HMCN1: variants seen among roughly 807,000 people sequenced by gnomAD.
HMCN1 encodes the protein hemicentin 1.
In HMCN1, 321 loss-of-function variants were observed where a neutral mutation model predicts 625.9. The observed-to-expected ratio is 0.51, with a 90% CI of 0.47 to 0.56. The LOEUF (loss-of-function observed/expected upper bound fraction) is 0.56, where lower values mean the gene tolerates loss of function less well. Ranked by LOEUF, HMCN1 falls within the 20% of genes least tolerant of loss-of-function variation. The pLI, the probability that HMCN1 is intolerant of heterozygous loss-of-function variation, is 0.00. For synonymous variants in HMCN1, 2,425 were observed against 2,417.6 expected (o/e 1.00, Z -0.09); for missense variants, 6,588 against 6,887.3 (o/e 0.96, Z 1.54).
At chr1:186,173,509 C>A (rs546484204) in intron 102 of HMCN1, among the ~76,000 whole-genome samples, 1 of 151,568 alleles carries the variant, frequency 6.6e-6, no homozygotes, top group Non-Finnish European at 1.5e-5. Context: ...GGCATGGTGG[C>A]GCATGCCTAT....
At position 185,963,813 on chromosome 1, in the gene HMCN1, T is replaced by A; in HGVS notation, c.2016T>A (p.Ala672=). 6.2e-7 allele frequency: 1 copy of A among 1,608,648 alleles called. No individual in the cohort carries two copies. Among genetic ancestry groups the A allele is most frequent in the Non-Finnish European group, 8.5e-7 (1 of 1,175,294 alleles). Residue 672 remains alanine, a synonymous_variant, in exon 13 of 107, where the codon GCT becomes GCA. Transcript: ENST00000271588. The part of the protein sequence containing the change: ...SDGTLFIKNA[A]PKDAGIYGCL... Reference sequence around the variant, plus strand: ...GTACCTTATTTATCAAAAATGCAGCTCCCAAAGATGCAGGGATCTATGGTT... The same window carrying A: ...GTACCTTATTTATCAAAAATGCAGCACCCAAAGATGCAGGGATCTATGGTT...
rs1656530761 is a variant in HMCN1, at chr1:186,045,868, G to T, written c.6480+5G>T. 2 of 1,596,260 alleles carry T rather than the reference G, an allele frequency of 1.3e-6. No homozygotes were observed. The highest frequency in any genetic ancestry group is 2.7e-5 in the African/African-American group (2 of 74,474). On this transcript the variant is annotated splice_donor_5th_base_variant and intron_variant, in intron 41 of 106. Coordinates refer to ENST00000271588, the MANE Select transcript of HMCN1 (RefSeq NM_031935.3). ...GAAAATAGAAGTGTGTTAAAGGTAAGGATATGGATTCATTTATTTTACCTT... is the reference window on the plus strand; with the variant it reads ...GAAAATAGAAGTGTGTTAAAGGTAATGATATGGATTCATTTATTTTACCTT...
At chr1:186,151,092 TGTTTGAGAAAAG>T in intron 93 of HMCN1, 96 bp from the exon 94 acceptor site, 1 of 1,056,752 alleles carries the variant, frequency 9.5e-7, no homozygotes, top group Non-Finnish European at 1.4e-6. Context: ...ACCTTTTTGA[TGTTTGAGAAAAG>T]ATTTGTAGCA....
chr1:185,865,135 A>G (rs1558024677), intron 3 of HMCN1, among the ~76,000 whole-genome samples: 1 of 152,204 alleles, frequency 6.6e-6, no homozygotes, highest in Non-Finnish European at 1.5e-5. Flanking sequence ...TTGCTTATCT[A>G]AGCTTGACTG....
In HMCN1 at chr1:185,737,552, T is replaced by C. The variant is rs547870076; in HGVS notation, c.268+2505T>C. On this transcript the variant is annotated intron_variant, in intron 1 of 106. Coordinates refer to ENST00000271588, the MANE Select transcript of HMCN1 (RefSeq NM_031935.3). ...CCTCAACTATATAAATTGAGAGAAT[T>C]CTATGTGAATATCTCTTAAGGTCTC... Among the ~76,000 whole-genome samples, 4 of 152,340 alleles carry C rather than the reference T, an allele frequency of 2.6e-5. No individual in the cohort carries two copies. In the East Asian group the frequency reaches 5.8e-4, roughly 22 times the overall value.
chr1:185,851,934 A>C (rs1281100421), intron 2 of HMCN1, among the ~76,000 whole-genome samples: 1 of 152,048 alleles, frequency 6.6e-6, no homozygotes, highest in African/African-American at 2.4e-5. Flanking sequence ...CATATAATTT[A>C]AGTTTCCTTA....
At chr1:186,114,677 C>T in intron 73 of HMCN1, 142 bp from the exon 74 acceptor site, 3 of 940,658 alleles carry the variant, frequency 3.2e-6, no homozygotes, top group Non-Finnish European at 5.1e-6. Context: ...TTTCTTCCAC[C>T]AAGGGTATCA....
At chr1:185,895,385 T>TG (rs1482219212) in intron 4 of HMCN1, among the ~76,000 whole-genome samples, 2 of 152,212 alleles carry the variant, frequency 1.3e-5, no homozygotes, top group African/African-American at 2.4e-5. Flanking sequence ...ACTGTAGTCA[T>TG]TTTTCTTGGC....
intron 30 of HMCN1, among the ~76,000 whole-genome samples, chr1:186,010,496 T>C (rs901595908): frequency 1.3e-5 from 2 of 152,204 alleles, no homozygotes; most frequent in East Asian, 3.8e-4. Flanking sequence ...CTGATACAAA[T>C]GGTATCCTTT....
intron 28 of HMCN1, among the ~76,000 whole-genome samples, chr1:186,003,354 G>A (rs866801849): frequency 6.6e-6 from 1 of 152,132 alleles, no homozygotes; most frequent in African/African-American, 2.4e-5. Flanking sequence ...TGTTATAAGA[G>A]TGATGTTAAT....
Position 186,115,539 on chromosome 1 carries a change from T to C in HMCN1, c.11561+125T>C, listed in dbSNP as rs989154418. On this transcript the variant is annotated intron_variant, in intron 75 of 106. Coordinates refer to ENST00000271588, the MANE Select transcript of HMCN1 (RefSeq NM_031935.3). ...ACAAATTAGCTAGCATATAGAGGGT[T>C]TTTTTCCTTAATATGGACTTAGTTT... 1.1e-5 allele frequency: 10 copies of C among 901,074 alleles called. No homozygotes were observed. In the African/African-American group the frequency reaches 1.3e-4, roughly 12 times the overall value. 55.8% of individuals were successfully genotyped at this position (901,074 alleles called of 1,614,324 possible). A position where few individuals can be genotyped will look rare whatever the true frequency, so the allele number is the denominator to read the frequency against.
chr1:185,794,208 A>C (rs1658200619), intron 1 of HMCN1, among the ~76,000 whole-genome samples: 2 of 152,146 alleles, frequency 1.3e-5, no homozygotes, highest in Admixed American at 1.3e-4. Flanking sequence ...TGAAAATAGC[A>C]AGAACATCCT....
chr1:185,996,040 T>A (rs1170974681), intron 24 of HMCN1, among the ~76,000 whole-genome samples: 1 of 152,152 alleles, frequency 6.6e-6, no homozygotes, highest in African/African-American at 2.4e-5. Flanking sequence ...ATGAAGAAGT[T>A]TTCCTGTTCA....
intron 16 of HMCN1, among the ~76,000 whole-genome samples, chr1:185,979,960 C>T (rs776288987): frequency 6.6e-6 from 1 of 152,146 alleles, no homozygotes. Context: ...TACCAGCCCA[C>T]CTCTTCAACT....
At chr1:185,901,530 A>G (rs1289963110) in intron 4 of HMCN1, among the ~76,000 whole-genome samples, 1 of 151,824 alleles carries the variant, frequency 6.6e-6, no homozygotes, top group Admixed American at 6.6e-5. Context: ...AGTAAATATT[A>G]ATATTTATAG....
chr1:186,126,967 G>A (rs1661676709), intron 82 of HMCN1, among the ~76,000 whole-genome samples: 1 of 152,112 alleles, frequency 6.6e-6, no homozygotes, highest in Non-Finnish European at 1.5e-5. Context: ...GATGAGAAAT[G>A]ATAGAACTCA....
At chr1:185,787,137 ATGTATGTG>A (rs1213786733) in intron 1 of HMCN1, among the ~76,000 whole-genome samples, 8 of 132,176 alleles carry the variant, frequency 6.1e-5, no homozygotes, top group African/African-American at 2.4e-4. Context: ...AAGCGCCATG[ATGTATGTG>A]TGTGTGTGTG....
Position 186,074,730 on chromosome 1 carries a change from T to A in HMCN1, c.8140-11T>A. ...GCACTTAATGCTAACATTGTTATAA[T>A]TGAATCACAGCCCCTTAAATCCGAT... On this transcript the variant is annotated splice_polypyrimidine_tract_variant and intron_variant, in intron 52 of 106. Coordinates refer to ENST00000271588, the MANE Select transcript of HMCN1 (RefSeq NM_031935.3). The A allele has an allele frequency of 1.2e-6, 2 of 1,611,724 alleles. No homozygotes were observed. The highest frequency in any genetic ancestry group is 1.7e-6 in the Non-Finnish European group (2 of 1,178,396).
At chr1:185,891,717 G>A (rs1376238470) in intron 4 of HMCN1, among the ~76,000 whole-genome samples, 4 of 148,118 alleles carry the variant, frequency 2.7e-5, no homozygotes, top group Non-Finnish European at 4.4e-5. Flanking sequence ...AGGGTAACCC[G>A]ACCTTTCTCT....
Sources: allele counts gnomAD v4.1 joint callset (sites outside exome capture counted in the v4.1 genomes callset), GRCh38; gene constraint gnomAD v4.1.1; transcripts MANE v1.5; gene names NCBI Gene and HGNC (gene_info 2026-07-23, HGNC 2026-07-21).